Variants in RBFOX1 observed in about 807,000 individuals in gnomAD.
The protein encoded by RBFOX1 is RNA binding protein fox-1 homolog 1.
Under a neutral mutation model 57.7 loss-of-function variants are expected in RBFOX1, and 8 were observed. The observed-to-expected ratio is 0.14, with a 90% CI of 0.08 to 0.25. The LOEUF is 0.25. Ranked by LOEUF, RBFOX1 falls within the 10% of genes least tolerant of loss-of-function variation. The probability of loss-of-function intolerance (pLI) is 1.00; values close to 1 mark genes in which losing one functional copy is unlikely to be tolerated. For synonymous variants in RBFOX1, 326 were observed against 222.4 expected, an observed-to-expected ratio of 1.47 and a Z score of -4.15; for missense variants, 611 against 548.5, an observed-to-expected ratio of 1.11 and a Z score of -1.14.
chr16:6,716,954 T>C (rs1179102710), intron 3 of RBFOX1, among the ~76,000 whole-genome samples: 1 of 152,062 alleles, frequency 6.6e-6, no homozygotes, highest in Non-Finnish European at 1.5e-5. Context: ...ATCACTAGAG[T>C]GGAGCCCTCA....
At chr16:6,004,994 AAAAAC>A (rs139025468) in intron 4 of RBFOX1, among the ~76,000 whole-genome samples, 20,472 of 151,736 alleles carry the variant, frequency 0.13, 1,790 homozygotes, top group Middle Eastern at 0.25. Flanking sequence ...TTTGTTGCTA[AAAAAC>A]AAAACAAAAC....
In RBFOX1 at chr16:6,955,085, C is replaced by A. The variant is rs574465082; in HGVS notation, c.-15-96972C>A. The stretch of plus-strand genomic sequence containing the variant: ...ATCTCTACAAAAAAAAAAAAACACA[C>A]AAAAAATTAGCTGGGCATGGTGGAT... On this transcript the variant is annotated intron_variant, in intron 3 of 15. Coordinates refer to ENST00000550418, the MANE Select transcript of RBFOX1 (RefSeq NM_018723.4). 2.3e-3 allele frequency among the ~76,000 whole-genome samples: 323 copies of A among 141,628 alleles called. 1 individual carries two copies. Among genetic ancestry groups the A allele is most frequent in the Admixed American group, 8.5e-3 (121 of 14,290 alleles). 92.9% of individuals were successfully genotyped at this position (141,628 alleles called of 152,430 possible).
intron 1 of RBFOX1, among the ~76,000 whole-genome samples, chr16:5,343,298 G>GTTTTTTTTTTTTTTTTTTTTTTTTT (rs33934959): frequency 9.1e-6 from 1 of 109,952 alleles, no homozygotes. Flanking sequence ...CTTCTTTGAA[G>GTTTTTTTTTTTTTTTTTTTTTTTTT]TTTTTTTTTT....
At chr16:7,700,430 T>C (rs1208259388) in intron 14 of RBFOX1, among the ~76,000 whole-genome samples, 8 of 152,174 alleles carry the variant, frequency 5.3e-5, no homozygotes, top group Admixed American at 3.9e-4. Flanking sequence ...TGTTTGACTC[T>C]AGAAATTCTG....
chr16:6,986,444 C>G (rs948971740), intron 3 of RBFOX1, among the ~76,000 whole-genome samples: 2 of 152,034 alleles, frequency 1.3e-5, no homozygotes, highest in African/African-American at 4.8e-5. Context: ...AGTGATCCCC[C>G]TGCCTCAGCC....
At chr16:6,304,456 C>A (rs2079207447) in intron 1 of RBFOX1, among the ~76,000 whole-genome samples, 1 of 152,090 alleles carries the variant, frequency 6.6e-6, no homozygotes, top group African/African-American at 2.4e-5. Flanking sequence ...AGCTCCAAAG[C>A]TACCTGGTAT....
intron 9 of RBFOX1, among the ~76,000 whole-genome samples, chr16:7,598,383 T>C (rs1383161300): frequency 6.6e-6 from 1 of 152,150 alleles, no homozygotes; most frequent in African/African-American, 2.4e-5. Flanking sequence ...CTGGCAAACA[T>C]TTTTTCTTTG....
chr16:6,933,607 G>C (rs572413862), intron 3 of RBFOX1, among the ~76,000 whole-genome samples: 1 of 152,200 alleles, frequency 6.6e-6, no homozygotes, highest in African/African-American at 2.4e-5. Context: ...CAGCTACTCC[G>C]GAGGCTGAAG....
intron 2 of RBFOX1, among the ~76,000 whole-genome samples, chr16:6,493,072 TAAGAG>T (rs1459805056): frequency 6.6e-6 from 1 of 152,132 alleles, no homozygotes; most frequent in Non-Finnish European, 1.5e-5. Context: ...AAAAAATATT[TAAGAG>T]AAAAGCCTCC....
At chr16:7,238,048 C>A (rs773306338) in intron 4 of RBFOX1, among the ~76,000 whole-genome samples, 6 of 152,106 alleles carry the variant, frequency 3.9e-5, no homozygotes, top group Admixed American at 6.6e-5. Flanking sequence ...CATAGATGAA[C>A]CTTGAGGACA....
intron 1 of RBFOX1, among the ~76,000 whole-genome samples, chr16:6,077,260 T>G (rs952427856): frequency 1.3e-5 from 2 of 152,162 alleles, no homozygotes; most frequent in African/African-American, 4.8e-5. Flanking sequence ...GGCATTGCAG[T>G]TGACATGGCA....
intron 4 of RBFOX1, among the ~76,000 whole-genome samples, chr16:7,124,391 G>T (rs1323657573): frequency 6.6e-6 from 1 of 152,164 alleles, no homozygotes; most frequent in African/African-American, 2.4e-5. Context: ...GCTAGCCCAG[G>T]TGACAGAATG....
intron 4 of RBFOX1, among the ~76,000 whole-genome samples, chr16:7,248,173 C>G (rs1393615546): frequency 6.6e-6 from 1 of 152,178 alleles, no homozygotes; most frequent in Non-Finnish European, 1.5e-5. Context: ...GTTTCTTTAT[C>G]AGTTAGGGAT....
At chr16:7,149,741 C>T (rs1202349691) in intron 4 of RBFOX1, among the ~76,000 whole-genome samples, 1 of 151,984 alleles carries the variant, frequency 6.6e-6, no homozygotes, top group Non-Finnish European at 1.5e-5. Context: ...CCTCTCTACA[C>T]CCGCCTCTAC....
intron 3 of RBFOX1, among the ~76,000 whole-genome samples, chr16:6,903,978 C>T (rs2069121538): frequency 6.6e-6 from 1 of 152,116 alleles, no homozygotes; most frequent in African/African-American, 2.4e-5. Context: ...CCAAGGTTCA[C>T]ATCCCAGGGA....
chr16:5,344,708 C>T (rs758362921), intron 1 of RBFOX1, among the ~76,000 whole-genome samples: 1 of 152,082 alleles, frequency 6.6e-6, no homozygotes, highest in Non-Finnish European at 1.5e-5. Flanking sequence ...CAAATTATAT[C>T]CATCAATATT....
intron 2 of RBFOX1, among the ~76,000 whole-genome samples, chr16:5,543,291 C>T (rs936228029): frequency 6.6e-6 from 1 of 151,994 alleles, no homozygotes; most frequent in Non-Finnish European, 1.5e-5. Context: ...TTAGAATTAG[C>T]AGAGAGGGAC....
intron 4 of RBFOX1, among the ~76,000 whole-genome samples, chr16:6,007,898 T>C (rs901485137): frequency 6.6e-6 from 1 of 151,948 alleles, no homozygotes; most frequent in African/African-American, 2.4e-5. Flanking sequence ...GAGAACGCAG[T>C]GGAGAGGAGT....
intron 4 of RBFOX1, among the ~76,000 whole-genome samples, chr16:7,305,734 G>T (rs149382470): frequency 3.9e-5 from 6 of 152,246 alleles, no homozygotes; most frequent in Non-Finnish European, 8.8e-5. Flanking sequence ...TATTTCTTAG[G>T]TGTATTTTCT....
Sources: allele counts gnomAD v4.1 joint callset (sites outside exome capture counted in the v4.1 genomes callset), GRCh38; gene constraint gnomAD v4.1.1; transcripts MANE v1.5; gene names NCBI Gene and HGNC (gene_info 2026-07-23, HGNC 2026-07-21).